Variants in MAST2 observed in about 807,000 individuals in gnomAD.
The protein encoded by MAST2 is microtubule-associated serine/threonine-protein kinase 2.
In MAST2, 70 loss-of-function variants were observed where a neutral mutation model predicts 147.4. That is an observed-to-expected ratio of 0.47 (90% CI 0.39 to 0.58). MAST2 has a LOEUF of 0.58. Among genes scored for constraint, MAST2 ranks in the 20% least tolerant of loss-of-function variants. The pLI, the probability that MAST2 is intolerant of heterozygous loss-of-function variation, is 0.00. For synonymous variants in MAST2, 869 were observed against 896.8 expected, an observed-to-expected ratio of 0.97 and a Z score of 0.55; for missense variants, 2,080 against 2,302.3, an observed-to-expected ratio of 0.90 and a Z score of 1.98.
intron 5 of MAST2, among the ~76,000 whole-genome samples, chr1:45,965,677 A>G (rs1231706748): frequency 6.6e-6 from 1 of 152,114 alleles, no homozygotes; most frequent in Middle Eastern, 3.2e-3. Flanking sequence ...TCAGTTCAGT[A>G]GGTACATACC....
At position 46,023,639 on chromosome 1, in the gene MAST2, C is replaced by T. The variant is rs995422808; in HGVS notation, c.1572-133C>T. 6.1e-5 allele frequency: 48 copies of T among 787,854 alleles called. No homozygotes were observed. Among genetic ancestry groups the T allele is most frequent in the Non-Finnish European group, 8.8e-5 (43 of 487,208 alleles). 48.8% of individuals were successfully genotyped at this position (787,854 alleles called of 1,614,324 possible). ...ATGGACCAGGGGGTCCCAGACCCTTCTCACTGATATGCATGCCCTTGCCCC... is the reference window on the plus strand; with the variant it reads ...ATGGACCAGGGGGTCCCAGACCCTTTTCACTGATATGCATGCCCTTGCCCC... On this transcript the variant is annotated intron_variant, in intron 14 of 28. Coordinates refer to ENST00000361297, the MANE Select transcript of MAST2 (RefSeq NM_015112.3). The surrounding 1 kb of genome is among the most constrained non-coding windows in gnomAD (Gnocchi z 4.9).
intron 5 of MAST2, among the ~76,000 whole-genome samples, chr1:45,979,101 T>A (rs1245378621): frequency 1.3e-5 from 2 of 152,230 alleles, no homozygotes; most frequent in Admixed American, 6.5e-5. Flanking sequence ...AGGAAATGAT[T>A]ATCATAATAT....
chr1:45,847,224 C>T (rs932389984), intron 3 of MAST2: 1 of 529,620 alleles, frequency 1.9e-6, no homozygotes, highest in South Asian at 1.4e-5. Context: ...CTCAAAGCCA[C>T]ATCCTTTATA....
intron 4 of MAST2, among the ~76,000 whole-genome samples, chr1:45,927,953 G>A (rs542889561): frequency 1.3e-5 from 2 of 152,264 alleles, no homozygotes; most frequent in Non-Finnish European, 2.9e-5. Context: ...GGCTTCAGCC[G>A]GTCCCTCTGT....
chr1:45,858,862 A>T (rs938881177), intron 3 of MAST2, among the ~76,000 whole-genome samples: 1 of 152,118 alleles, frequency 6.6e-6, no homozygotes, highest in Non-Finnish European at 1.5e-5. Flanking sequence ...ACCATTTATT[A>T]AATAGGGAAT....
chr1:45,854,210 G>T (rs1288398129), intron 3 of MAST2, among the ~76,000 whole-genome samples: 3 of 152,030 alleles, frequency 2.0e-5, no homozygotes, highest in Non-Finnish European at 4.4e-5. Context: ...GATGGTTCAT[G>T]CCTGTAATCT....
Position 45,863,927 on chromosome 1 carries a change from G to T in MAST2, c.469-18437G>T, listed in dbSNP as rs575516303. Among the ~76,000 whole-genome samples, 8 of 152,252 alleles carry T rather than the reference G, an allele frequency of 5.3e-5. No individual in the cohort carries two copies. In the East Asian group the frequency reaches 1.2e-3, roughly 22 times the overall value. Reference sequence around the variant, plus strand: ...TAATGCTGCCTTCACTAACAATTTTGTGTGTGTGACTTGTTAGAAAGATCA... The same window carrying T: ...TAATGCTGCCTTCACTAACAATTTTTTGTGTGTGACTTGTTAGAAAGATCA... On this transcript the variant is annotated intron_variant, in intron 3 of 28. Coordinates refer to ENST00000361297, the MANE Select transcript of MAST2 (RefSeq NM_015112.3).
At chr1:45,982,069 A>C (rs181490151) in intron 5 of MAST2, among the ~76,000 whole-genome samples, 1 of 152,228 alleles carries the variant, frequency 6.6e-6, no homozygotes, top group Non-Finnish European at 1.5e-5. Flanking sequence ...GACTGGTCCC[A>C]AACTCCTGAC....
At chr1:45,908,140 T>C (rs1222322717) in intron 4 of MAST2, among the ~76,000 whole-genome samples, 1 of 152,136 alleles carries the variant, frequency 6.6e-6, no homozygotes, top group Non-Finnish European at 1.5e-5. Flanking sequence ...TTTCTGTTCC[T>C]AATTTCTGCT....
At chr1:45,869,911 T>TTTG (rs140012262) in intron 3 of MAST2, among the ~76,000 whole-genome samples, 3 of 150,806 alleles carry the variant, frequency 2.0e-5, no homozygotes, top group Non-Finnish European at 3.0e-5. Context: ...CCTGTGATTC[T>TTTG]TTTGTTTGTT....
chr1:45,820,260 CTT>C (rs930739007), intron 1 of MAST2, among the ~76,000 whole-genome samples: 185 of 152,254 alleles, frequency 1.2e-3, no homozygotes, highest in African/African-American at 4.3e-3. Flanking sequence ...TAAAAGAAAA[CTT>C]TGGGGAAACT....
At chr1:46,025,854 T>A in intron 16 of MAST2, 39 bp downstream of exon 16, 1 of 1,612,890 alleles carries the variant, frequency 6.2e-7, no homozygotes, top group Non-Finnish European at 8.5e-7. Flanking sequence ...AGGGTCTCCC[T>A]CTTGGGTCTC....
intron 3 of MAST2, among the ~76,000 whole-genome samples, chr1:45,864,251 T>TG (rs1646071579): frequency 6.6e-6 from 1 of 152,264 alleles, no homozygotes; most frequent in East Asian, 1.9e-4. Context: ...TCTGGGGGAA[T>TG]GGGGAGCGTT....
chr1:45,814,560 G>C (rs1019067828), intron 1 of MAST2, among the ~76,000 whole-genome samples: 1 of 152,158 alleles, frequency 6.6e-6, no homozygotes, highest in African/African-American at 2.4e-5. Flanking sequence ...ACCAAGGCGG[G>C]TGTATCACCT....
At chr1:45,863,034 A>G (rs1017341863) in intron 3 of MAST2, among the ~76,000 whole-genome samples, 7 of 151,798 alleles carry the variant, frequency 4.6e-5, no homozygotes, top group African/African-American at 1.7e-4. Context: ...TTATTAGTTT[A>G]TGGTTAATGT....
intron 4 of MAST2, among the ~76,000 whole-genome samples, chr1:45,951,880 A>T (rs189366722): frequency 3.8e-4 from 58 of 152,326 alleles, no homozygotes; most frequent in Non-Finnish European, 7.5e-4. Context: ...GTATTCATAG[A>T]GATAATGACT....
At chr1:45,884,597 A>C (rs151193337) in intron 4 of MAST2, among the ~76,000 whole-genome samples, 1 of 152,172 alleles carries the variant, frequency 6.6e-6, no homozygotes, top group African/African-American at 2.4e-5. Flanking sequence ...TGTGCTGGGT[A>C]GAGTGATCTA....
In MAST2 at chr1:46,002,878, G is replaced by C. The variant is rs368081667; in HGVS notation, c.742G>C (p.Val248Leu). 38 of 1,613,932 alleles carry C rather than the reference G, an allele frequency of 2.4e-5. No homozygotes were observed. Among genetic ancestry groups the C allele is most frequent in the Non-Finnish European group, 2.9e-5 (34 of 1,179,936 alleles). The change falls in exon 7 of 29, where the codon GTC becomes CTC. Residue 248 changes from valine (V) to leucine (L), a missense_variant. By Grantham distance (32) the Val-to-Leu change is conservative. Around this residue, in one of 4 missense-constraint regions of MAST2, gnomAD observed 569 missense variants for 642.5 expected, o/e 0.89. Transcript: ENST00000361297. ...GYGTNTPSST[V>L]SSSCSSQEKL... Reference sequence around the variant, plus strand: ...TGGAACTAACACTCCTAGCTCCACTGTCTCAGTAAGTAGCCAAATCTGTGG... The same window carrying C: ...TGGAACTAACACTCCTAGCTCCACTCTCTCAGTAAGTAGCCAAATCTGTGG...
At chr1:45,835,555 T>C (rs1199880273) in intron 3 of MAST2, among the ~76,000 whole-genome samples, 3 of 152,148 alleles carry the variant, frequency 2.0e-5, no homozygotes, top group Admixed American at 1.3e-4. Flanking sequence ...ATGTTGAATA[T>C]GATGTCATTT....
Sources: allele counts gnomAD v4.1 joint callset (sites outside exome capture counted in the v4.1 genomes callset), GRCh38; gene constraint gnomAD v4.1.1; regional missense constraint gnomAD v4.1.1; non-coding constraint Gnocchi (gnomAD v3.1); transcripts MANE v1.5; gene names NCBI Gene and HGNC (gene_info 2026-07-23, HGNC 2026-07-21).